Variants in PEX7 observed in about 807,000 individuals in gnomAD.
The protein encoded by PEX7 is PTS2 receptor.
PEX7 carries 34 observed loss-of-function variants against 47.5 expected under a neutral mutation model. The observed-to-expected ratio is 0.72, with a 90% confidence interval of 0.54 to 0.95. The LOEUF is 0.95. Among genes scored for constraint, PEX7 ranks in the 40% least tolerant of loss-of-function variants. The pLI is 0.00. For missense variants in PEX7, 394 were observed against 400.3 expected (o/e 0.98, Z 0.13); for synonymous variants, 141 against 148.8 (o/e 0.95, Z 0.38).
chr6:136,893,399 A>G (rs1262412136), intron 8 of PEX7, among the ~76,000 whole-genome samples: 1 of 152,178 alleles, frequency 6.6e-6, no homozygotes, highest in Non-Finnish European at 1.5e-5. Context: ...CTCAACCTTC[A>G]GATCTGCAGC....
chr6:136,884,997 C>A (rs1483520566), intron 8 of PEX7, among the ~76,000 whole-genome samples: 2 of 152,148 alleles, frequency 1.3e-5, no homozygotes, highest in Non-Finnish European at 2.9e-5. Flanking sequence ...AGTTAGTTAA[C>A]TTCTCTTCCT....
In PEX7 at chr6:136,869,951, G is replaced by C; in HGVS notation, c.695G>C (p.Arg232Pro). 1 of 1,614,020 alleles carries C rather than the reference G, an allele frequency of 6.2e-7. No individual in the cohort carries two copies. The highest frequency in any genetic ancestry group is 8.5e-7 in the Non-Finnish European group (1 of 1,179,926). Residue 232 changes from arginine (R) to proline (P), a missense_variant, in exon 7 of 10, where the codon CGA becomes CCA. Physicochemically the swap from Arg to Pro is moderately radical, Grantham distance 103. Coordinates refer to ENST00000318471, the MANE Select transcript of PEX7 (RefSeq NM_000288.4). ...AGAGGCTGGGACTTAAGGAATGTACGACAACCAGTGTTTGAACTTCTTGGT... is the reference window on the plus strand; with the variant it reads ...AGAGGCTGGGACTTAAGGAATGTACCACAACCAGTGTTTGAACTTCTTGGT... ...SLRGWDLRNV[R>P]QPVFELLGHT...
intron 3 of PEX7, among the ~76,000 whole-genome samples, chr6:136,829,763 C>G (rs935756654): frequency 3.3e-5 from 5 of 152,070 alleles, no homozygotes; most frequent in Non-Finnish European, 5.9e-5. Context: ...ATGGCGAAAA[C>G]CCCGCCTCTA....
At chr6:136,898,851 G>A (rs954879622) in intron 9 of PEX7, among the ~76,000 whole-genome samples, 1 of 151,716 alleles carries the variant, frequency 6.6e-6, no homozygotes, top group African/African-American at 2.4e-5. Context: ...AAATTGTAAA[G>A]TCAATCAGAA....
chr6:136,908,718 G>GA (rs1212205259), intron 9 of PEX7, among the ~76,000 whole-genome samples: 2 of 152,130 alleles, frequency 1.3e-5, no homozygotes, highest in Non-Finnish European at 2.9e-5. Context: ...TTGGGATTCA[G>GA]AAAAAAACTG....
chr6:136,839,850 C>T (rs1413298064), intron 3 of PEX7, among the ~76,000 whole-genome samples: 1 of 152,194 alleles, frequency 6.6e-6, no homozygotes, highest in Non-Finnish European at 1.5e-5. Context: ...CCCTTACCCT[C>T]CTGGGGTCCT....
chr6:136,829,983 T>G, intron 3 of PEX7: 4 of 703,660 alleles, frequency 5.7e-6, no homozygotes, highest in South Asian at 4.6e-5. Context: ...CATAGCCAAT[T>G]TCTGTTTTTT....
At chr6:136,892,868 C>T (rs942949958) in intron 8 of PEX7, among the ~76,000 whole-genome samples, 10 of 152,202 alleles carry the variant, frequency 6.6e-5, no homozygotes, top group Non-Finnish European at 1.5e-4. Flanking sequence ...AATCCATCAA[C>T]TTTTCTTCAT....
chr6:136,839,152 T>C (rs1372700336), intron 3 of PEX7, among the ~76,000 whole-genome samples: 3 of 151,758 alleles, frequency 2.0e-5, no homozygotes, highest in Non-Finnish European at 2.9e-5. Context: ...GGCACTGCAC[T>C]CCAGCCTGGG....
chr6:136,841,703 C>G (rs1262368445), intron 3 of PEX7, among the ~76,000 whole-genome samples: 1 of 152,170 alleles, frequency 6.6e-6, no homozygotes, highest in Non-Finnish European at 1.5e-5. Context: ...CCCACCCCAG[C>G]CTCCTGGGTA....
chr6:136,833,875 A>T (rs1758567980), intron 3 of PEX7, among the ~76,000 whole-genome samples: 2 of 152,184 alleles, frequency 1.3e-5, no homozygotes, highest in South Asian at 4.1e-4. Context: ...ACCTGTCTCT[A>T]CTTGTAGCAC....
intron 3 of PEX7, among the ~76,000 whole-genome samples, chr6:136,837,511 G>GT (rs1375422021): frequency 4.6e-5 from 7 of 152,086 alleles, no homozygotes; most frequent in Non-Finnish European, 1.0e-4. Context: ...ATATTTCTTT[G>GT]TTTTTTGCAC....
At chr6:136,884,473 C>G (rs985574858) in intron 8 of PEX7, among the ~76,000 whole-genome samples, 1 of 152,038 alleles carries the variant, frequency 6.6e-6, no homozygotes, top group African/African-American at 2.4e-5. Context: ...GCAACACAAG[C>G]TTTTTAAATA....
chr6:136,860,822 G>A (rs1774948183), intron 5 of PEX7, among the ~76,000 whole-genome samples: 1 of 152,128 alleles, frequency 6.6e-6, no homozygotes, highest in Non-Finnish European at 1.5e-5. Flanking sequence ...ACACATCCTT[G>A]TAACTGGCAC....
intron 2 of PEX7, among the ~76,000 whole-genome samples, chr6:136,825,682 C>T (rs1011030062): frequency 3.3e-5 from 5 of 152,044 alleles, no homozygotes; most frequent in East Asian, 3.9e-4. Flanking sequence ...TATAGGTGCC[C>T]GCCACCACAC....
chr6:136,827,442 G>A (rs533637352), intron 3 of PEX7, among the ~76,000 whole-genome samples: 1 of 152,060 alleles, frequency 6.6e-6, no homozygotes, highest in South Asian at 2.1e-4. Flanking sequence ...GATAATCAAT[G>A]CACGAATCTC....
At position 136,913,436 on chromosome 6, in the gene PEX7, T is replaced by G. The variant is rs762995208; in HGVS notation, c.904-22T>G. 3 of 1,568,680 alleles carry G rather than the reference T, an allele frequency of 1.9e-6. No individual in the cohort carries two copies. In the South Asian group the frequency reaches 3.3e-5, roughly 17 times the overall value. The stretch of plus-strand genomic sequence containing the variant: ...TTTGTATGTCTAAATACGTTTCTTC[T>G]TACTTCATTTTTGTTTTCTAGGTGG... On this transcript the variant is annotated intron_variant, in intron 9 of 9. Transcript: ENST00000318471.
At chr6:136,868,870 C>T (rs1775121986) in intron 6 of PEX7, among the ~76,000 whole-genome samples, 4 of 151,956 alleles carry the variant, frequency 2.6e-5, no homozygotes, top group African/African-American at 7.3e-5. Flanking sequence ...TTTGTAAAGC[C>T]GGAATAGATA....
At chr6:136,855,743 TTGCC>T (rs1277658097) in intron 5 of PEX7, 1 of 405,164 alleles carries the variant, frequency 2.5e-6, no homozygotes, top group Non-Finnish European at 4.8e-6. Context: ...AACACCCAGT[TTGCC>T]TGAGTTTTAA....
Sources: allele counts gnomAD v4.1 joint callset (sites outside exome capture counted in the v4.1 genomes callset), GRCh38; gene constraint gnomAD v4.1.1; transcripts MANE v1.5; gene names NCBI Gene and HGNC (gene_info 2026-07-23, HGNC 2026-07-21).